Variants in CCDC171 observed in about 807,000 individuals in gnomAD.
The protein encoded by CCDC171 is coiled-coil domain-containing protein 171.
A neutral mutation model predicts 168.2 loss-of-function variants in CCDC171; 177 were observed. That is an observed-to-expected ratio of 1.05 (90% CI 0.93 to 1.19). The LOEUF is 1.19. CCDC171 is among the 50% of genes most tolerant of loss of function. The pLI is 0.00. For missense variants in CCDC171, 1,991 were observed against 1,539.0 expected, an observed-to-expected ratio of 1.29 and a Z score of -4.91; for synonymous variants, 687 against 540.8, an observed-to-expected ratio of 1.27 and a Z score of -3.75.
chr9:15,724,233 T>G (rs1046994216), intron 13 of CCDC171, among the ~76,000 whole-genome samples: 1 of 152,226 alleles, frequency 6.6e-6, no homozygotes, highest in Non-Finnish European at 1.5e-5. Context: ...TGCAAAATTA[T>G]GCTGAGTCAA....
At chr9:16,006,444 ATTATAC>A (rs929619968) in intron 3 of CCDC171, among the ~76,000 whole-genome samples, 5 of 152,000 alleles carry the variant, frequency 3.3e-5, no homozygotes, top group Non-Finnish European at 7.4e-5. Flanking sequence ...TCTTTTTATT[ATTATAC>A]TTTAAGTTTT....
intron 11 of CCDC171, among the ~76,000 whole-genome samples, chr9:15,712,932 A>G (rs1266918318): frequency 6.6e-6 from 1 of 152,164 alleles, no homozygotes; most frequent in Non-Finnish European, 1.5e-5. Context: ...TCCATAGAAT[A>G]CTTCATTTTG....
At chr9:15,678,953 A>G (rs771769707) in intron 10 of CCDC171, 57 bp downstream of exon 10, 1 of 1,302,256 alleles carries the variant, frequency 7.7e-7, no homozygotes, top group Admixed American at 2.5e-5. Flanking sequence ...TATTGGATGT[A>G]TAGCAGGGTT....
intron 21 of CCDC171, among the ~76,000 whole-genome samples, chr9:15,788,528 T>C (rs1325283248): frequency 6.6e-6 from 1 of 152,016 alleles, no homozygotes; most frequent in African/African-American, 2.4e-5. Context: ...TATCTATGAT[T>C]TATAATCTGA....
intron 11 of CCDC171, among the ~76,000 whole-genome samples, chr9:15,701,934 A>T (rs1409973630): frequency 6.6e-6 from 1 of 152,228 alleles, no homozygotes; most frequent in Non-Finnish European, 1.5e-5. Flanking sequence ...CAGATCCATC[A>T]GAGGAATCAC....
chr9:15,830,644 A>G (rs2060192322), intron 21 of CCDC171, among the ~76,000 whole-genome samples: 2 of 152,220 alleles, frequency 1.3e-5, no homozygotes, highest in African/African-American at 4.8e-5. Context: ...AAAAGGAGAT[A>G]GGAAAACTCT....
intron 23 of CCDC171, among the ~76,000 whole-genome samples, chr9:15,857,998 T>C (rs2061411918): frequency 6.6e-6 from 1 of 151,908 alleles, no homozygotes; most frequent in South Asian, 2.1e-4. Context: ...TATGTATATA[T>C]GTATGCATAT....
chr9:16,027,158 TTAATTAA>T (rs1308397473), intron 6 of CCDC171, among the ~76,000 whole-genome samples: 1 of 152,260 alleles, frequency 6.6e-6, no homozygotes, highest in Non-Finnish European at 1.5e-5. Flanking sequence ...GCACAAATGT[TTAATTAA>T]TCAGGAATCT....
intron 3 of CCDC171, among the ~76,000 whole-genome samples, chr9:15,996,388 A>G (rs955687393): frequency 2.2e-5 from 3 of 137,428 alleles, no homozygotes; most frequent in Non-Finnish European, 4.6e-5. Context: ...CAGAAAATAT[A>G]TATGGCAGCT....
intron 1 of CCDC171, among the ~76,000 whole-genome samples, chr9:16,059,133 T>G (rs1833888645): frequency 6.6e-6 from 1 of 152,210 alleles, no homozygotes; most frequent in Admixed American, 6.5e-5. Flanking sequence ...TGAGCCATGT[T>G]CTTGGGTCAT....
At chr9:16,042,729 A>G (rs1833592306), upstream of CCDC171, 1 of 152,158 alleles carries the variant, frequency 6.6e-6, no homozygotes, top group Non-Finnish European at 1.5e-5. Flanking sequence ...TATGTCCAGG[A>G]ACAAAAGAGA....
chr9:15,623,368 T>TG lies in CCDC171; in HGVS notation c.778dup (p.Glu260GlyfsTer3). ...TTTTACGGCGACAAACAAGTGAACT[T>TG]GAATTTAGCACTCAACGAGAGGAAC... On this transcript the variant is annotated frameshift_variant, in exon 7 of 26. Coordinates refer to ENST00000380701, the MANE Select transcript of CCDC171 (RefSeq NM_173550.4). LOFTEE classifies it high-confidence loss of function. 6.2e-7 allele frequency: 1 copy of TG among 1,612,382 alleles called. No homozygotes were observed.
At chr9:15,761,761 T>C (rs1438226898) in intron 18 of CCDC171, among the ~76,000 whole-genome samples, 3 of 152,216 alleles carry the variant, frequency 2.0e-5, no homozygotes, top group Non-Finnish European at 4.4e-5. Flanking sequence ...GTCTCTATTT[T>C]GGGGAGCCAC....
At chr9:15,698,963 A>G (rs2133836507) in intron 11 of CCDC171, among the ~76,000 whole-genome samples, 1 of 152,168 alleles carries the variant, frequency 6.6e-6, no homozygotes, top group East Asian at 1.9e-4. Flanking sequence ...TCCCTTTGAT[A>G]TACTGATTTT....
chr9:16,102,164 C>G, the CCDC171 span, among the ~76,000 whole-genome samples: 1 of 152,190 alleles, frequency 6.6e-6, no homozygotes, highest in African/African-American at 2.4e-5. Context: ...AACAGATGCA[C>G]TGGACTAACT....
intron 1 of CCDC171, among the ~76,000 whole-genome samples, chr9:16,051,416 C>G (rs1833747682): frequency 1.3e-5 from 2 of 152,140 alleles, no homozygotes; most frequent in Admixed American, 1.3e-4. Context: ...TGACTGCTGC[C>G]CTCATCCTCT....
chr9:15,916,447 T>G (rs1051410889), intron 24 of CCDC171, among the ~76,000 whole-genome samples: 1 of 152,042 alleles, frequency 6.6e-6, no homozygotes, highest in Non-Finnish European at 1.5e-5. Flanking sequence ...TATATAATTA[T>G]ATGAATTAAA....
At position 15,723,766 on chromosome 9, in the gene CCDC171, T is replaced by A. The variant is rs200845728; in HGVS notation, c.1491+20T>A. 171 of 1,221,724 alleles carry A rather than the reference T, an allele frequency of 1.4e-4. 3 individuals are homozygous for A. The South Asian group carries it at 2.3e-3, about 16-fold the overall frequency. The allele number at this position is 1,221,724 out of a possible 1,614,324, so 75.7% of individuals were successfully genotyped here. ...ATAAAGGTATTATTTAGAATAACTT[T>A]TACCTTTTGTATTAAGAAACAAATA... is the stretch of plus-strand genomic sequence containing the variant. On this transcript the variant is annotated intron_variant, in intron 13 of 25. Transcript: ENST00000380701.
chr9:15,612,830 C>A (rs1174361735), intron 6 of CCDC171, among the ~76,000 whole-genome samples: 4 of 152,022 alleles, frequency 2.6e-5, no homozygotes, highest in Non-Finnish European at 5.9e-5. Flanking sequence ...GAGTTCTTAC[C>A]TGTCTTACTA....
Sources: allele counts gnomAD v4.1 joint callset (sites outside exome capture counted in the v4.1 genomes callset), GRCh38; gene constraint gnomAD v4.1.1; transcripts MANE v1.5; gene names NCBI Gene and HGNC (gene_info 2026-07-23, HGNC 2026-07-21).